Variants in PSTPIP1 observed in about 807,000 individuals in gnomAD.
PSTPIP1 encodes proline-serine-threonine phosphatase-interacting protein 1.
A neutral mutation model predicts 69.6 loss-of-function variants in PSTPIP1; 66 were observed. The observed-to-expected ratio is 0.95, with a 90% confidence interval of 0.78 to 1.16. The LOEUF (loss-of-function observed/expected upper bound fraction) is 1.16. Among genes scored for constraint, PSTPIP1 ranks in the 50% most tolerant of loss-of-function variants. The pLI is 0.00. For synonymous variants in PSTPIP1, 266 were observed against 222.7 expected, an observed-to-expected ratio of 1.19 and a Z score of -1.73; for missense variants, 603 against 557.4, an observed-to-expected ratio of 1.08 and a Z score of -0.82.
intron 3 of PSTPIP1, chr15:77,023,919 C>T (rs1568506426): frequency 6.6e-6 from 1 of 152,324 alleles, no homozygotes; most frequent in Non-Finnish European, 1.5e-5. Flanking sequence ...GGTGAGGAGT[C>T]AGAGAAGAGT....
At chr15:77,008,391 T>C (rs1394728109) in intron 1 of PSTPIP1, among the ~76,000 whole-genome samples, 2 of 152,142 alleles carry the variant, frequency 1.3e-5, no homozygotes, top group Non-Finnish European at 2.9e-5. Context: ...GAGCTTGCAC[T>C]CAGGGTCTGG....
rs369333365 is a variant in PSTPIP1, at chr15:77,034,634, C to T, written c.930-874C>T. ...CACCTGTGCCATGCCTCCTCCCCTGCACCTGAGCCCTCCCTCTCCTGGTCA... is the reference window on the plus strand; with the variant it reads ...CACCTGTGCCATGCCTCCTCCCCTGTACCTGAGCCCTCCCTCTCCTGGTCA... On this transcript the variant is annotated intron_variant, in intron 12 of 14. Coordinates refer to ENST00000558012, the MANE Select transcript of PSTPIP1 (RefSeq NM_003978.5). Among the ~76,000 whole-genome samples the T allele has an allele frequency of 6.9e-4, 105 of 152,298 alleles. 4 individuals are homozygous for T. In the South Asian group the frequency reaches 0.021, roughly 31 times the overall value.
chr15:76,994,744 C>T, upstream of PSTPIP1: 2 of 1,289,006 alleles, frequency 1.6e-6, no homozygotes, highest in South Asian at 1.2e-5. Flanking sequence ...ACTATGGGCT[C>T]CTTGAGGGCA....
intron 12 of PSTPIP1, among the ~76,000 whole-genome samples, chr15:77,034,340 G>T (rs183602344): frequency 1.3e-5 from 2 of 152,086 alleles, no homozygotes; most frequent in Non-Finnish European, 2.9e-5. Flanking sequence ...GTGTCTGCCC[G>T]CCTGTGTTGG....
At chr15:77,028,299 A>G (rs1322818372) in intron 6 of PSTPIP1, 9 of 499,156 alleles carry the variant, frequency 1.8e-5, no homozygotes, top group Non-Finnish European at 3.2e-5. Flanking sequence ...GCCGAAGAGC[A>G]CAGCCCAGGA....
intron 1 of PSTPIP1, among the ~76,000 whole-genome samples, chr15:77,004,735 C>T (rs1271253183): frequency 6.6e-6 from 1 of 151,730 alleles, no homozygotes; most frequent in Non-Finnish European, 1.5e-5. Flanking sequence ...TGGTGCACAC[C>T]TGTAGTCTCA....
rs773651879 is a variant in PSTPIP1 at position 77,031,257 on chromosome 15, G to A, written c.720G>A (p.Met240Ile). The change falls in exon 10 of 15, where the codon ATG (methionine) becomes ATA (isoleucine). Residue 240 changes from methionine (M) to isoleucine (I), a missense_variant. Met to Ile is a conservative substitution (Grantham distance 10, BLOSUM62 1). Coordinates refer to ENST00000558012, the MANE Select transcript of PSTPIP1 (RefSeq NM_003978.5). Reference protein sequence around the residue: ...ALWVHSNQLSMQCVKDDELYE... With the variant: ...ALWVHSNQLSIQCVKDDELYE... ...GGGTGCACAGCAACCAGCTCTCCAT[G>A]CAGTGTGTCAAGGATGATGAGGTGG... The A allele has an allele frequency of 4.3e-6, 7 of 1,612,838 alleles. No homozygotes were observed.
chr15:77,021,508 G>A lies in PSTPIP1; in HGVS notation c.212+2977G>A, dbSNP rs193095562. ...AGCCTGGCCAACATGGTGAAACCCC[G>A]TCTCTATCAACAATATAAAAATTAG... On this transcript the variant is annotated intron_variant, in intron 3 of 14. Coordinates refer to ENST00000558012, the MANE Select transcript of PSTPIP1 (RefSeq NM_003978.5). 8.3e-4 allele frequency among the ~76,000 whole-genome samples: 126 copies of A among 152,130 alleles called. 1 individual carries two copies. The highest frequency in any genetic ancestry group is 2.9e-3 in the African/African-American group (120 of 41,498).
Position 77,028,574 on chromosome 15 carries a change from G to T in PSTPIP1, c.438G>T (p.Gln146His), listed in dbSNP as rs1141041. ...KAMESKKTYEQKCRDADDAEQ... is the reference protein window; with the variant it reads ...KAMESKKTYEHKCRDADDAEQ... The stretch of plus-strand genomic sequence containing the variant: ...CCCAGTCCAAGAAGACATACGAGCA[G>T]AAGTGCCGGGACGCGGACGACGCGG... The change falls in exon 7 of 15, where the codon CAG (glutamine) becomes CAT (histidine). Residue 146 changes from glutamine to histidine, a missense_variant. Transcript: ENST00000558012. 6.2e-7 allele frequency: 1 copy of T among 1,602,726 alleles called. No homozygotes were observed. Among genetic ancestry groups the T allele is most frequent in the Non-Finnish European group, 8.5e-7 (1 of 1,175,394 alleles).
chr15:76,999,334 A>C (rs1014425962), intron 1 of PSTPIP1: 2 of 151,296 alleles, frequency 1.3e-5, no homozygotes, highest in Non-Finnish European at 2.9e-5. Context: ...GCTGGAGGGC[A>C]GTGGCACAAT....
chr15:76,994,875 A>C, upstream of PSTPIP1: 1 of 1,288,732 alleles, frequency 7.8e-7, no homozygotes, highest in African/African-American at 1.5e-5. Context: ...CTCTGGGCCC[A>C]GCCTGGAAGG....
chr15:77,004,846 G>C (rs1005175661), intron 1 of PSTPIP1, among the ~76,000 whole-genome samples: 2 of 149,906 alleles, frequency 1.3e-5, no homozygotes, highest in African/African-American at 4.9e-5. Flanking sequence ...GGGCAACAGA[G>C]CAAGACTGTC....
At chr15:77,018,425 T>C in intron 2 of PSTPIP1, 32 bp from the exon 3 acceptor site, 1 of 1,558,604 alleles carries the variant, frequency 6.4e-7, no homozygotes, top group Non-Finnish European at 8.7e-7. Context: ...GGCAAGTCAC[T>C]GATGATCTTT....
intron 1 of PSTPIP1, among the ~76,000 whole-genome samples, chr15:77,006,002 G>T (rs182926356): frequency 4.6e-5 from 7 of 152,274 alleles, no homozygotes; most frequent in Admixed American, 2.0e-4. Flanking sequence ...ATTATACCTA[G>T]GAGTGGAATT....
chr15:77,009,751 GT>G (rs1275768579), intron 1 of PSTPIP1, among the ~76,000 whole-genome samples: 1 of 152,190 alleles, frequency 6.6e-6, no homozygotes, highest in African/African-American at 2.4e-5. Flanking sequence ...GGCTCAGGAG[GT>G]TTGTGACTCA....
intron 5 of PSTPIP1, among the ~76,000 whole-genome samples, chr15:77,026,612 C>T (rs978126585): frequency 1.3e-5 from 2 of 152,234 alleles, no homozygotes; most frequent in Non-Finnish European, 2.9e-5. Context: ...TCAGTCTCCA[C>T]AGACAGGGCT....
chr15:77,006,120 A>G (rs867532215), intron 1 of PSTPIP1, among the ~76,000 whole-genome samples: 12 of 151,578 alleles, frequency 7.9e-5, no homozygotes, highest in African/African-American at 2.4e-4. Context: ...ATCTTTGCCA[A>G]CTCTTGTTAA....
chr15:77,030,465 G>A (rs748633983), intron 8 of PSTPIP1, 37 bp from the exon 9 acceptor site: 20 of 1,600,626 alleles, frequency 1.2e-5, no homozygotes, highest in Admixed American at 3.4e-5. Flanking sequence ...GGAGGAGCTC[G>A]TGTCAGGGCC....
At chr15:76,998,372 A>G (rs1448622461) in intron 1 of PSTPIP1, among the ~76,000 whole-genome samples, 2 of 152,170 alleles carry the variant, frequency 1.3e-5, no homozygotes, top group African/African-American at 4.8e-5. Context: ...AGCTCACAGT[A>G]AGGGAGGAAG....
Sources: allele counts gnomAD v4.1 joint callset (sites outside exome capture counted in the v4.1 genomes callset), GRCh38; gene constraint gnomAD v4.1.1; transcripts MANE v1.5; gene names NCBI Gene and HGNC (gene_info 2026-07-23, HGNC 2026-07-21).